PTPRN2: variants seen among roughly 807,000 people sequenced by gnomAD.
The protein encoded by PTPRN2 is protein tyrosine phosphatase receptor type N2.
PTPRN2 carries 74 observed loss-of-function variants against 118.8 expected under a neutral mutation model. That is an observed-to-expected ratio of 0.62 (90% CI 0.52 to 0.76). The LOEUF (loss-of-function observed/expected upper bound fraction) is 0.76. Among genes scored for constraint, PTPRN2 ranks in the 30% least tolerant of loss-of-function variants. The pLI is 0.00. For synonymous variants in PTPRN2, 641 were observed against 608.0 expected, an observed-to-expected ratio of 1.05 and a Z score of -0.80; for missense variants, 1,481 against 1,394.4, an observed-to-expected ratio of 1.06 and a Z score of -0.99.
chr7:157,698,287 A>AT (rs767731803), intron 12 of PTPRN2, among the ~76,000 whole-genome samples: 3 of 152,232 alleles, frequency 2.0e-5, no homozygotes, highest in Non-Finnish European at 4.4e-5. Flanking sequence ...AATGCAAGTC[A>AT]TTTTTTGTTT....
intron 11 of PTPRN2, among the ~76,000 whole-genome samples, chr7:158,025,597 C>G (rs1050049716): frequency 1.6e-4 from 24 of 152,226 alleles, no homozygotes; most frequent in Admixed American, 1.4e-3. Flanking sequence ...TAAAGAAACA[C>G]ACACATATGT....
intron 6 of PTPRN2, among the ~76,000 whole-genome samples, chr7:158,149,216 G>T: frequency 6.6e-6 from 1 of 150,868 alleles, no homozygotes; most frequent in South Asian, 2.1e-4. Flanking sequence ...TGTCTGGGCT[G>T]ACCTGCTCTC....
At chr7:158,160,184 A>T (rs2150568698) in intron 6 of PTPRN2, among the ~76,000 whole-genome samples, 1 of 152,310 alleles carries the variant, frequency 6.6e-6, no homozygotes, top group Middle Eastern at 3.4e-3. Context: ...TGGGTTAAGG[A>T]ATACCTAGAA....
intron 22 of PTPRN2, among the ~76,000 whole-genome samples, chr7:157,547,382 C>T (rs221272): frequency 1.1e-4 from 16 of 151,884 alleles, no homozygotes; most frequent in Admixed American, 3.3e-4. Flanking sequence ...ATGGTCAGTG[C>T]GGCAAGATGG....
At chr7:158,341,992 G>T (rs1332216143) in intron 2 of PTPRN2, among the ~76,000 whole-genome samples, 1 of 141,486 alleles carries the variant, frequency 7.1e-6, no homozygotes, top group African/African-American at 2.7e-5. Context: ...CTCACCATAA[G>T]AGGTGACACC....
At chr7:157,767,211 C>T (rs1031442662) in intron 12 of PTPRN2, among the ~76,000 whole-genome samples, 1 of 152,174 alleles carries the variant, frequency 6.6e-6, no homozygotes, top group African/African-American at 2.4e-5. Flanking sequence ...GTGCTGGGCA[C>T]ACAGCACTCC....
At chr7:157,586,335 C>G (rs988236805) in intron 17 of PTPRN2, among the ~76,000 whole-genome samples, 1 of 152,198 alleles carries the variant, frequency 6.6e-6, no homozygotes, top group South Asian at 2.1e-4. Flanking sequence ...TCCCTTCACT[C>G]CAGAGTCAGT....
At chr7:157,542,742 C>T (rs1163070618) in intron 22 of PTPRN2, among the ~76,000 whole-genome samples, 1 of 152,170 alleles carries the variant, frequency 6.6e-6, no homozygotes, top group Non-Finnish European at 1.5e-5. Context: ...CAATTGTTAC[C>T]GCACTGTTTA....
intron 12 of PTPRN2, among the ~76,000 whole-genome samples, chr7:157,860,801 C>T (rs983339227): frequency 8.5e-5 from 13 of 152,248 alleles, no homozygotes; most frequent in Admixed American, 2.6e-4. Flanking sequence ...GCAGCATTCA[C>T]GGTCCGTCCA....
Position 158,264,673 on chromosome 7 carries a change from C to T in PTPRN2, c.277+52146G>A, listed in dbSNP as rs139814734. On this transcript the variant is annotated intron_variant, in intron 3 of 22. Coordinates refer to ENST00000389418, the MANE Select transcript of PTPRN2 (RefSeq NM_002847.5). ...CAGGTCCCTTGCGGGGACCAAAGGC[C>T]GGGAGCCAGGAGCCGTGGGCTCTCT... Among the ~76,000 whole-genome samples the T allele has an allele frequency of 3.0e-3, 456 of 152,254 alleles. 1 individual carries two copies. Among genetic ancestry groups the T allele is most frequent in the Admixed American group, 5.1e-3 (78 of 15,292 alleles).
At chr7:158,471,615 G>A (rs925084181) in intron 2 of PTPRN2, among the ~76,000 whole-genome samples, 4 of 152,112 alleles carry the variant, frequency 2.6e-5, no homozygotes, top group Admixed American at 1.3e-4. Context: ...TTGAACCCGG[G>A]AGTCAGAAGT....
chr7:157,888,928 G>C (rs1399441295), intron 12 of PTPRN2, among the ~76,000 whole-genome samples: 1 of 152,174 alleles, frequency 6.6e-6, no homozygotes, highest in Admixed American at 6.5e-5. Context: ...TCCTGGTTTT[G>C]CCATAATTGG....
At chr7:158,294,467 C>G (rs1800326939) in intron 3 of PTPRN2, among the ~76,000 whole-genome samples, 2 of 152,306 alleles carry the variant, frequency 1.3e-5, no homozygotes, top group South Asian at 4.1e-4. Flanking sequence ...GTCAACTATT[C>G]CCTCCTGGCC....
At chr7:158,196,572 C>A (rs574791904) in intron 4 of PTPRN2, among the ~76,000 whole-genome samples, 41 of 113,504 alleles carry the variant, frequency 3.6e-4, no homozygotes, top group African/African-American at 1.8e-3. Flanking sequence ...CGTCTCTTCA[C>A]TTCCCCATGA....
At chr7:157,945,696 A>G (rs924744454) in intron 11 of PTPRN2, among the ~76,000 whole-genome samples, 1 of 150,698 alleles carries the variant, frequency 6.6e-6, no homozygotes, top group East Asian at 2.0e-4. Context: ...AGCTTGGACG[A>G]TGTCACCTCC....
intron 10 of PTPRN2, among the ~76,000 whole-genome samples, chr7:158,082,245 G>C (rs1160126512): frequency 6.6e-6 from 1 of 152,138 alleles, no homozygotes; most frequent in Non-Finnish European, 1.5e-5. Flanking sequence ...TGTGAAACTG[G>C]GTACCATGTA....
chr7:157,661,472 G>GGGGC (rs1246258529), intron 13 of PTPRN2, among the ~76,000 whole-genome samples: 1 of 141,590 alleles, frequency 7.1e-6, no homozygotes, highest in Non-Finnish European at 1.6e-5. Context: ...CCTGGGAACG[G>GGGGC]GGGCGGGTGC....
At chr7:158,189,465 T>C (rs1825585429) in intron 5 of PTPRN2, among the ~76,000 whole-genome samples, 1 of 152,314 alleles carries the variant, frequency 6.6e-6, no homozygotes, top group South Asian at 2.1e-4. Context: ...CAAGGCACAT[T>C]GGACGAGCCT....
intron 3 of PTPRN2, among the ~76,000 whole-genome samples, chr7:158,270,865 G>A (rs1798367585): frequency 2.2e-5 from 1 of 46,496 alleles, no homozygotes; most frequent in Admixed American, 3.0e-4. Flanking sequence ...CCCCCACCTG[G>A]ACCGCCCCCT....
Sources: gnomAD v4.1 joint callset for allele counts (sites outside exome capture counted in the v4.1 genomes callset) on GRCh38, gnomAD v4.1.1 for gene constraint, MANE v1.5 for transcripts, NCBI Gene and HGNC (gene_info 2026-07-23, HGNC 2026-07-21) for gene names.